ARMC9: variants seen among roughly 807,000 people sequenced by gnomAD.
ARMC9 encodes the protein armadillo repeat containing 9.
Under a neutral mutation model 107.0 loss-of-function variants are expected in ARMC9, and 94 were observed. That is an observed-to-expected ratio of 0.88 (90% CI 0.74 to 1.04). The LOEUF (loss-of-function observed/expected upper bound fraction) is 1.04. Ranked by LOEUF, ARMC9 falls within the 50% of genes least tolerant of loss-of-function variation. The pLI, the probability that ARMC9 is intolerant of heterozygous loss-of-function variation, is 0.00. For synonymous variants in ARMC9, 380 were observed against 396.9 expected (o/e 0.96, Z 0.51); for missense variants, 942 against 1,030.1 (o/e 0.91, Z 1.17).
intron 23 of ARMC9, among the ~76,000 whole-genome samples, chr2:231,364,533 A>G (rs1462765345): frequency 6.6e-6 from 1 of 152,210 alleles, no homozygotes. Context: ...ACACATGCTC[A>G]TGCCTGGAAT....
intron 23 of ARMC9, among the ~76,000 whole-genome samples, chr2:231,364,601 C>G (rs1347418169): frequency 6.6e-6 from 1 of 152,076 alleles, no homozygotes; most frequent in Non-Finnish European, 1.5e-5. Flanking sequence ...AGTTTGAGAC[C>G]AGCCTGACCA....
rs146342945 is a variant in ARMC9, at chr2:231,310,319, C to A, written c.1773+14066C>A. On this transcript the variant is annotated intron_variant, in intron 19 of 24. Transcript: ENST00000611582. Reference sequence around the variant, plus strand: ...ATCCCAGCTACCCAGGAGGCTGAGGCAGGAGAATTGAATTGCTTGAACCCG... The same window carrying A: ...ATCCCAGCTACCCAGGAGGCTGAGGAAGGAGAATTGAATTGCTTGAACCCG... 6.4e-3 allele frequency among the ~76,000 whole-genome samples: 960 copies of A among 150,694 alleles called. 15 individuals are homozygous for A. Among genetic ancestry groups the A allele is most frequent in the Middle Eastern group, 0.034 (10 of 290 alleles).
Position 231,373,229 on chromosome 2 carries a change from A to G in ARMC9, c.*1694A>G, listed in dbSNP as rs2046094524. 6.6e-6 allele frequency: 1 copy of G among 152,248 alleles called. No individual in the cohort carries two copies. Among genetic ancestry groups the G allele is most frequent in the Admixed American group, 6.5e-5 (1 of 15,276 alleles). The allele number at this position is 152,248 out of a possible 1,614,324, so 9.4% of individuals were successfully genotyped here. On this transcript the variant is annotated 3_prime_UTR_variant, in exon 25 of 25. Transcript: ENST00000611582. This position sits in a 1 kb window ranked among gnomAD's most constrained non-coding sequence, Gnocchi z 4.4. Reference sequence around the variant, plus strand: ...GGTGTCAGTGGTGCAGACAGAGGAAAAGCAGAGGGTCCGCAAAATGCAACT... The same window carrying G: ...GGTGTCAGTGGTGCAGACAGAGGAAGAGCAGAGGGTCCGCAAAATGCAACT...
intron 20 of ARMC9, among the ~76,000 whole-genome samples, chr2:231,337,065 A>G (rs1261088709): frequency 6.6e-6 from 1 of 152,100 alleles, no homozygotes; most frequent in African/African-American, 2.4e-5. Flanking sequence ...TGCTCACAAC[A>G]AAAACCAAAA....
chr2:231,265,272 G>T (rs911667319), intron 12 of ARMC9, among the ~76,000 whole-genome samples: 1 of 152,158 alleles, frequency 6.6e-6, no homozygotes, highest in Non-Finnish European at 1.5e-5. Flanking sequence ...CAAAGGAAAA[G>T]AAGTCATTAT....
rs1027129592 is a variant in ARMC9 at position 231,358,518 on chromosome 2, T to G, written c.2132-2236T>G. 6.6e-6 allele frequency among the ~76,000 whole-genome samples: 1 copy of G among 152,162 alleles called. No individual in the cohort carries two copies. Among genetic ancestry groups the G allele is most frequent in the Non-Finnish European group, 1.5e-5 (1 of 68,034 alleles). ...TCCACTTCCCTTCTCTCACTCACCT[T>G]GCCCCAGGCCCATCCTGGCCCCAGG... On this transcript the variant is annotated intron_variant, in intron 22 of 24. Coordinates refer to ENST00000611582, the MANE Select transcript of ARMC9 (RefSeq NM_001352754.2). This position sits in a 1 kb window ranked among gnomAD's most constrained non-coding sequence, Gnocchi z 4.5.
At chr2:231,321,680 T>A (rs1411079586) in intron 19 of ARMC9, among the ~76,000 whole-genome samples, 1 of 152,048 alleles carries the variant, frequency 6.6e-6, no homozygotes, top group East Asian at 1.9e-4. Context: ...TTTGTTCCCC[T>A]TTGCCCGTTG....
chr2:231,336,481 G>A (rs935262040), intron 20 of ARMC9, among the ~76,000 whole-genome samples: 1 of 152,212 alleles, frequency 6.6e-6, no homozygotes, highest in Non-Finnish European at 1.5e-5. Context: ...TTGCAGCAGC[G>A]CTGGCCGTTG....
chr2:231,326,778 A>G (rs1329736115), intron 19 of ARMC9, among the ~76,000 whole-genome samples: 1 of 152,234 alleles, frequency 6.6e-6, no homozygotes, highest in Non-Finnish European at 1.5e-5. Context: ...ACCAAAGACC[A>G]GAACATCCTG....
intron 20 of ARMC9, among the ~76,000 whole-genome samples, chr2:231,332,141 GC>G (rs974993081): frequency 2.0e-5 from 3 of 152,226 alleles, no homozygotes; most frequent in Non-Finnish European, 4.4e-5. Flanking sequence ...TATGCCAGGG[GC>G]CTTTGGAACA....
In ARMC9 at chr2:231,273,912, C is replaced by T. The variant is rs111446173; in HGVS notation, c.1334+834C>T. Reference sequence around the variant, plus strand: ...CATTTACAGTCACTCCTCATTCCTACCCCCAGTCCCCGGTAGCCACAAATC... The same window carrying T: ...CATTTACAGTCACTCCTCATTCCTATCCCCAGTCCCCGGTAGCCACAAATC... On this transcript the variant is annotated intron_variant, in intron 14 of 24. Transcript: ENST00000611582. Among the ~76,000 whole-genome samples the T allele has an allele frequency of 1.9e-3, 296 of 152,248 alleles. 1 individual carries two copies. The highest frequency in any genetic ancestry group is 3.1e-3 in the Non-Finnish European group (208 of 68,014).
chr2:231,202,377 C>T (rs1369585706), intron 1 of ARMC9, among the ~76,000 whole-genome samples: 1 of 146,122 alleles, frequency 6.8e-6, no homozygotes, highest in Non-Finnish European at 1.5e-5. Flanking sequence ...GGCTGGAGTG[C>T]CATGGCGTGA....
chr2:231,220,772 C>T (rs1449377073), intron 5 of ARMC9, among the ~76,000 whole-genome samples: 2 of 152,072 alleles, frequency 1.3e-5, no homozygotes, highest in African/African-American at 2.4e-5. Context: ...ATAGGTGACT[C>T]ATGTCCAAAG....
intron 11 of ARMC9, among the ~76,000 whole-genome samples, chr2:231,261,968 G>A (rs796652517): frequency 0.022 from 6 of 276 alleles, no homozygotes; most frequent in Non-Finnish European, 0.1. Flanking sequence ...GTCTACAGGC[G>A]CCCGCACCAC....
At chr2:231,260,278 A>G (rs1212354625) in intron 11 of ARMC9, among the ~76,000 whole-genome samples, 1 of 152,132 alleles carries the variant, frequency 6.6e-6, no homozygotes, top group Non-Finnish European at 1.5e-5. Context: ...GCATTGTCAC[A>G]TCTTAGTATT....
intron 23 of ARMC9, among the ~76,000 whole-genome samples, chr2:231,364,166 C>T (rs1261057068): frequency 6.6e-6 from 1 of 152,258 alleles, no homozygotes; most frequent in Non-Finnish European, 1.5e-5. Flanking sequence ...GCAGGGCTGC[C>T]TTGACTGTCA....
At chr2:231,339,052 G>T (rs1214183731) in intron 20 of ARMC9, among the ~76,000 whole-genome samples, 1 of 152,172 alleles carries the variant, frequency 6.6e-6, no homozygotes, top group Non-Finnish European at 1.5e-5. Context: ...TGTATAGGCT[G>T]GGTGTGGTGG....
intron 14 of ARMC9, 83 bp downstream of exon 14, chr2:231,273,161 G>T: frequency 1.3e-6 from 2 of 1,524,074 alleles, no homozygotes; most frequent in Admixed American, 3.9e-5. Flanking sequence ...GAGGCAGATG[G>T]TATTTTTCCA....
At position 231,344,171 on chromosome 2, in the gene ARMC9, TC is replaced by T. The variant is rs368023994; in HGVS notation, c.1879-803del. Among the ~76,000 whole-genome samples the T allele has an allele frequency of 2.0e-4, 30 of 152,358 alleles. No homozygotes were observed. The East Asian group carries it at 5.8e-3, about 29-fold the overall frequency. On this transcript the variant is annotated intron_variant, in intron 20 of 24. Coordinates refer to ENST00000611582, the MANE Select transcript of ARMC9 (RefSeq NM_001352754.2). ...TGGATTCATTCACTAGTATTTACACTCAAGGATGTGTGAACATTTTTACAAC... is the reference window on the plus strand; with the variant it reads ...TGGATTCATTCACTAGTATTTACACTAAGGATGTGTGAACATTTTTACAAC...
Sources: gnomAD v4.1 joint callset for allele counts (sites outside exome capture counted in the v4.1 genomes callset) on GRCh38, gnomAD v4.1.1 for gene constraint, Gnocchi (gnomAD v3.1) non-coding constraint, MANE v1.5 for transcripts, NCBI Gene and HGNC (gene_info 2026-07-23, HGNC 2026-07-21) for gene names.